CDK19: variants seen among roughly 807,000 people sequenced by gnomAD.
CDK19 encodes cyclin dependent kinase 19, also known as cyclin-dependent kinase 19.
CDK19 carries 20 observed loss-of-function variants against 68.3 expected under a neutral mutation model. The ratio of observed to expected loss-of-function variants is 0.29; its 90% CI spans 0.21 to 0.43. The LOEUF (loss-of-function observed/expected upper bound fraction) is 0.43. Among genes scored for constraint, CDK19 ranks in the 20% least tolerant of loss-of-function variants. The pLI is 1.00. For missense variants in CDK19, 339 were observed against 623.5 expected, an observed-to-expected ratio of 0.54 and a Z score of 4.86; for synonymous variants, 221 against 222.8, an observed-to-expected ratio of 0.99 and a Z score of 0.07.
intron 8 of CDK19, among the ~76,000 whole-genome samples, chr6:110,624,552 C>T (rs1338149964): frequency 6.6e-6 from 1 of 151,994 alleles, no homozygotes; most frequent in Non-Finnish European, 1.5e-5. Context: ...TGGTGTTTTG[C>T]GTGTGTGTGG....
At chr6:110,676,646 A>T (rs867450168) in intron 2 of CDK19, among the ~76,000 whole-genome samples, 5 of 152,206 alleles carry the variant, frequency 3.3e-5, no homozygotes, top group Non-Finnish European at 5.9e-5. Context: ...CAGCAAAAAG[A>T]TTATGACTCA....
At position 110,713,587 on chromosome 6, in the gene CDK19, G is replaced by A. The variant is rs1775136934; in HGVS notation, c.204+32539C>T. Among the ~76,000 whole-genome samples, 5 of 151,940 alleles carry A rather than the reference G, an allele frequency of 3.3e-5. No homozygotes were observed. The South Asian group carries it at 1.0e-3, about 32-fold the overall frequency. ...AATATTTTCATTTTTTGTAGAGATG[G>A]GGTCTACTATGTTGCCCAGGCTGAT... On this transcript the variant is annotated intron_variant, in intron 2 of 12. Coordinates refer to ENST00000368911, the MANE Select transcript of CDK19 (RefSeq NM_015076.5).
chr6:110,789,648 A>G (rs566116223), intron 1 of CDK19, among the ~76,000 whole-genome samples: 1 of 152,108 alleles, frequency 6.6e-6, no homozygotes, highest in East Asian at 1.9e-4. Context: ...CAGCTTAAGG[A>G]ATTCTTCCAG....
chr6:110,700,484 G>A (rs1773898949), intron 2 of CDK19: 2 of 152,092 alleles, frequency 1.3e-5, no homozygotes, highest in South Asian at 4.2e-4. Flanking sequence ...GAGAGCTCTG[G>A]TCTGCCACTC....
chr6:110,786,377 T>C (rs1361915931), intron 1 of CDK19, among the ~76,000 whole-genome samples: 1 of 152,164 alleles, frequency 6.6e-6, no homozygotes, highest in East Asian at 1.9e-4. Flanking sequence ...ATACCCCCAA[T>C]TTCCTTCATG....
intron 2 of CDK19, among the ~76,000 whole-genome samples, chr6:110,731,135 GAAA>G (rs71926751): frequency 8.1e-6 from 1 of 124,006 alleles, no homozygotes; most frequent in Non-Finnish European, 1.7e-5. Flanking sequence ...GAAAAGAAAA[GAAA>G]AAAGAAAAGA....
intron 1 of CDK19, among the ~76,000 whole-genome samples, chr6:110,765,157 C>A (rs1779489829): frequency 6.6e-6 from 1 of 151,662 alleles, no homozygotes; most frequent in African/African-American, 2.4e-5. Flanking sequence ...GTGGCTCATG[C>A]CTATAATCTC....
chr6:110,723,717 G>A (rs1776115360), intron 2 of CDK19, among the ~76,000 whole-genome samples: 1 of 152,064 alleles, frequency 6.6e-6, no homozygotes, highest in Non-Finnish European at 1.5e-5. Flanking sequence ...TTATACTTCA[G>A]CTCTTAAATA....
chr6:110,674,164 C>T (rs1238468771), intron 2 of CDK19, among the ~76,000 whole-genome samples: 1 of 152,116 alleles, frequency 6.6e-6, no homozygotes, highest in East Asian at 1.9e-4. Flanking sequence ...CAAATTGCAC[C>T]CACATAAGAT....
At chr6:110,664,241 C>A (rs1237277393) in intron 4 of CDK19, among the ~76,000 whole-genome samples, 2 of 152,112 alleles carry the variant, frequency 1.3e-5, no homozygotes, top group Non-Finnish European at 2.9e-5. Context: ...CCTTGGGTTA[C>A]CCTCATCACC....
At chr6:110,635,083 T>C (rs978025889) in intron 5 of CDK19, among the ~76,000 whole-genome samples, 6 of 152,234 alleles carry the variant, frequency 3.9e-5, no homozygotes, top group Admixed American at 1.3e-4. Flanking sequence ...GATGAAATTG[T>C]TCCAGTTCAC....
At chr6:110,618,041 C>A (rs1352335286) in intron 12 of CDK19, among the ~76,000 whole-genome samples, 1 of 151,966 alleles carries the variant, frequency 6.6e-6, no homozygotes, top group Non-Finnish European at 1.5e-5. Flanking sequence ...TCCAAGAAAT[C>A]TCCCCCTTTT....
upstream of CDK19, chr6:110,815,680 C>T (rs1432218983): frequency 6.6e-6 from 1 of 152,552 alleles, no homozygotes; most frequent in Non-Finnish European, 1.5e-5. Context: ...GTAGAAAGCT[C>T]GAAGTTCCAG....
chr6:110,756,953 T>C (rs932512161), intron 1 of CDK19, among the ~76,000 whole-genome samples: 4 of 152,126 alleles, frequency 2.6e-5, no homozygotes, highest in African/African-American at 7.2e-5. Context: ...AACATCTCCA[T>C]AGAGGTGACT....
In CDK19 at chr6:110,801,580, C is replaced by T. The variant is rs773165214; in HGVS notation, c.128+13429G>A. 3.6e-4 allele frequency among the ~76,000 whole-genome samples: 55 copies of T among 152,028 alleles called. 1 individual carries two copies. The highest frequency in any genetic ancestry group is 4.2e-4 in the South Asian group (2 of 4,810). ...AAGCTAGAGTGCAGTGGCGTCATCTCGGCTTACTGCAAGCTCCGCCTCCCA... is the reference window on the plus strand; with the variant it reads ...AAGCTAGAGTGCAGTGGCGTCATCTTGGCTTACTGCAAGCTCCGCCTCCCA... On this transcript the variant is annotated intron_variant, in intron 1 of 12. Coordinates refer to ENST00000368911, the MANE Select transcript of CDK19 (RefSeq NM_015076.5).
intron 10 of CDK19, 124 bp downstream of exon 10, chr6:110,622,691 G>A (rs1194544451): frequency 1.5e-6 from 1 of 646,864 alleles, no homozygotes; most frequent in African/African-American, 1.8e-5. Flanking sequence ...TTGCTCTTGA[G>A]CAGTCTTTAG....
At chr6:110,792,561 C>A (rs1210279348) in intron 1 of CDK19, among the ~76,000 whole-genome samples, 1 of 152,174 alleles carries the variant, frequency 6.6e-6, no homozygotes, top group East Asian at 1.9e-4. Flanking sequence ...ACGCGTGCCA[C>A]CACGCCCGGC....
chr6:110,615,197 G>A (rs1431210175), intron 12 of CDK19, among the ~76,000 whole-genome samples: 1 of 152,146 alleles, frequency 6.6e-6, no homozygotes, highest in East Asian at 1.9e-4. Context: ...AAGATTAGGT[G>A]GGGTGCGGCA....
chr6:110,759,576 C>G (rs1453174035), intron 1 of CDK19, among the ~76,000 whole-genome samples: 1 of 150,398 alleles, frequency 6.6e-6, no homozygotes, highest in Non-Finnish European at 1.5e-5. Flanking sequence ...GCACTCTAGC[C>G]CAGCAGTTCA....
Sources: allele counts gnomAD v4.1 joint callset (sites outside exome capture counted in the v4.1 genomes callset), GRCh38; gene constraint gnomAD v4.1.1; transcripts MANE v1.5; gene names NCBI Gene and HGNC (gene_info 2026-07-23, HGNC 2026-07-21).